PCDH15: variants seen among roughly 807,000 people sequenced by gnomAD.
The protein encoded by PCDH15 is protocadherin related 15, also known as protocadherin-15.
Under a neutral mutation model 178.5 loss-of-function variants are expected in PCDH15, and 129 were observed. The ratio of observed to expected loss-of-function variants is 0.72; its 90% CI spans 0.63 to 0.84. The LOEUF (loss-of-function observed/expected upper bound fraction) is 0.84. Among genes scored for constraint, PCDH15 ranks in the 40% least tolerant of loss-of-function variants. The probability of loss-of-function intolerance (pLI) is 0.00; values close to 1 mark genes in which losing one functional copy is unlikely to be tolerated. For synonymous variants in PCDH15, 800 were observed against 732.0 expected, an observed-to-expected ratio of 1.09 and a Z score of -1.50; for missense variants, 2,230 against 2,099.9, an observed-to-expected ratio of 1.06 and a Z score of -1.21.
intron 9 of PCDH15, among the ~76,000 whole-genome samples, chr10:54,224,790 T>G (rs1247767072): frequency 6.6e-6 from 1 of 152,142 alleles, no homozygotes; most frequent in African/African-American, 2.4e-5. Context: ...TTTCAGCTAA[T>G]ATGTTCTCTT....
chr10:54,285,923 G>T (rs1267054393), intron 8 of PCDH15, among the ~76,000 whole-genome samples: 1 of 152,092 alleles, frequency 6.6e-6, no homozygotes, highest in East Asian at 1.9e-4. Flanking sequence ...CAACATAAAA[G>T]AACCTGAAAT....
chr10:54,079,308 C>T (rs979424988), intron 17 of PCDH15, 23 bp downstream of exon 17: 3 of 1,606,090 alleles, frequency 1.9e-6, no homozygotes, highest in Admixed American at 1.7e-5. Flanking sequence ...TTTTTAAAAC[C>T]CCTTCACAGG....
chr10:54,029,168 A>G (rs1011029335), intron 18 of PCDH15, among the ~76,000 whole-genome samples: 1 of 152,132 alleles, frequency 6.6e-6, no homozygotes, highest in Non-Finnish European at 1.5e-5. Flanking sequence ...TTCTAGATGA[A>G]CATGTAGATG....
chr10:55,067,727 T>A (rs995285632), intron 2 of PCDH15, among the ~76,000 whole-genome samples: 1 of 151,888 alleles, frequency 6.6e-6, no homozygotes. Context: ...AGAGTCTAAT[T>A]TTCTCCGCAA....
chr10:55,149,928 C>T (rs1234074006), intron 2 of PCDH15, among the ~76,000 whole-genome samples: 3 of 151,862 alleles, frequency 2.0e-5, no homozygotes, highest in African/African-American at 7.3e-5. Context: ...AGGGCCTTCA[C>T]CTGAAAATTG....
At chr10:54,921,456 A>AT (rs1454605730) in intron 2 of PCDH15, among the ~76,000 whole-genome samples, 2 of 151,984 alleles carry the variant, frequency 1.3e-5, no homozygotes, top group African/African-American at 2.4e-5. Flanking sequence ...GACATTAGTT[A>AT]TTTTTTTCTG....
intron 2 of PCDH15, among the ~76,000 whole-genome samples, chr10:55,442,455 T>TTATATATATATATATTATATATATATTA (rs1207126440): frequency 2.5e-5 from 3 of 121,148 alleles, no homozygotes; most frequent in Admixed American, 9.6e-5. Context: ...CTTAATTTGA[T>TTATATATATATATATTATATATATATTA]TATATATATA....
At chr10:54,786,045 T>C (rs897447327) in intron 1 of PCDH15, among the ~76,000 whole-genome samples, 2 of 152,026 alleles carry the variant, frequency 1.3e-5, no homozygotes, top group African/African-American at 4.8e-5. Flanking sequence ...TGATATAATA[T>C]GCACTTATAC....
At chr10:53,812,445 C>T (rs1229628026) in intron 35 of PCDH15, among the ~76,000 whole-genome samples, 2 of 151,974 alleles carry the variant, frequency 1.3e-5, no homozygotes, top group Non-Finnish European at 2.9e-5. Flanking sequence ...GATCTCCTGA[C>T]CTCGTGATCA....
chr10:55,411,086 G>A (rs1838319760), intron 2 of PCDH15, among the ~76,000 whole-genome samples: 1 of 152,058 alleles, frequency 6.6e-6, no homozygotes. Context: ...AAATGATGAA[G>A]AAAAACAGGA....
chr10:54,002,046 CAT>C (rs1181474785), intron 20 of PCDH15, among the ~76,000 whole-genome samples: 41 of 26,346 alleles, frequency 1.6e-3, no homozygotes, highest in African/African-American at 0.013. Context: ...AATATATATA[CAT>C]ATATGTATAT....
chr10:54,383,619 A>G (rs966552494), intron 3 of PCDH15, among the ~76,000 whole-genome samples: 486 of 23,848 alleles, frequency 0.02, 6 homozygotes, highest in Middle Eastern at 0.045. Context: ...CATGCCGTGT[A>G]TGTGTGTTTT....
intron 2 of PCDH15, among the ~76,000 whole-genome samples, chr10:55,411,446 T>A (rs529411491): frequency 1.5e-3 from 226 of 152,256 alleles, no homozygotes; most frequent in African/African-American, 3.8e-3. Context: ...GAAAAATTAT[T>A]CCTACTATTA....
chr10:53,979,241 A>C (rs2090429630), intron 21 of PCDH15, among the ~76,000 whole-genome samples: 1 of 152,196 alleles, frequency 6.6e-6, no homozygotes, highest in Non-Finnish European at 1.5e-5. Flanking sequence ...TCATGGCAGA[A>C]ACATACAAGA....
At chr10:54,660,733 C>T (rs980500622) in intron 2 of PCDH15, among the ~76,000 whole-genome samples, 2 of 151,994 alleles carry the variant, frequency 1.3e-5, no homozygotes, top group Non-Finnish European at 2.9e-5. Context: ...TGAACCAAAT[C>T]CAGCAGTTCA....
chr10:54,195,640 A>G (rs762789084), intron 11 of PCDH15, 43 bp downstream of exon 11: 1 of 1,489,132 alleles, frequency 6.7e-7, no homozygotes, highest in Non-Finnish European at 9.4e-7. Flanking sequence ...TGGAAATATG[A>G]GATTTGTTAC....
chr10:54,130,100 A>G (rs1240665455), intron 15 of PCDH15, among the ~76,000 whole-genome samples: 1 of 152,036 alleles, frequency 6.6e-6, no homozygotes, highest in Non-Finnish European at 1.5e-5. Context: ...CATCTTTAGT[A>G]TGATAAAAAT....
chr10:55,572,895 G>A (rs1371170795), intron 2 of PCDH15, among the ~76,000 whole-genome samples: 4 of 152,062 alleles, frequency 2.6e-5, no homozygotes, highest in African/African-American at 9.7e-5. Flanking sequence ...TAGTATGGCT[G>A]AAGCAAAGAA....
chr10:55,463,131 A>G (rs1448101373), intron 2 of PCDH15, among the ~76,000 whole-genome samples: 1 of 151,920 alleles, frequency 6.6e-6, no homozygotes, highest in African/African-American at 2.4e-5. Context: ...CCAACCAACA[A>G]ACAAAAAGCT....
Sources: allele counts gnomAD v4.1 joint callset (sites outside exome capture counted in the v4.1 genomes callset), GRCh38; gene constraint gnomAD v4.1.1; transcripts MANE v1.5; gene names NCBI Gene and HGNC (gene_info 2026-07-23, HGNC 2026-07-21).